The following HECTD4 variants were observed in gnomAD, a reference collection of about 807,000 sequenced individuals.
HECTD4 encodes the protein HECT domain E3 ubiquitin protein ligase 4, also known as probable E3 ubiquitin-protein ligase HECTD4.
HECTD4 carries 114 observed loss-of-function variants against 471.5 expected under a neutral mutation model. The observed-to-expected ratio is 0.24, with a 90% confidence interval of 0.21 to 0.28. HECTD4 has a LOEUF of 0.28. HECTD4 is among the 10% of genes least tolerant of loss of function. HECTD4 has a pLI of 1.00. For missense variants in HECTD4, 3,866 were observed against 5,651.5 expected (o/e 0.68, Z 10.13); for synonymous variants, 2,012 against 2,256.0 (o/e 0.89, Z 3.07).
In HECTD4 at chr12:112,319,113, G is replaced by C. The variant is rs2035539393; in HGVS notation, c.695+112C>G. The stretch of plus-strand genomic sequence containing the variant: ...GAAATTCAATACTGAAAGCAAAGAA[G>C]GACTTCTGAATGTTAAGACTTCTAT... On this transcript the variant is annotated intron_variant, in intron 2 of 75. Coordinates refer to ENST00000682272, the MANE Select transcript of HECTD4 (RefSeq NM_001388303.1). This position sits in a 1 kb window ranked among gnomAD's most constrained non-coding sequence, Gnocchi z 5.3. The C allele has an allele frequency of 3.6e-6, 4 of 1,100,506 alleles. No homozygotes were observed. The East Asian group carries it at 1.0e-4, about 28-fold the overall frequency. The allele number at this position is 1,100,506 out of a possible 1,614,324, so 68.2% of individuals were successfully genotyped here. A position where few individuals can be genotyped will look rare whatever the true frequency, so the allele number is the denominator to read the frequency against.
At chr12:112,316,826 T>C in intron 2 of HECTD4, among the ~76,000 whole-genome samples, 1 of 151,292 alleles carries the variant, frequency 6.6e-6, no homozygotes, top group Middle Eastern at 3.4e-3. Context: ...CAGAACATGA[T>C]ATTGGCAATA....
At chr12:112,365,990 G>C (rs976467114) in intron 1 of HECTD4, among the ~76,000 whole-genome samples, 1 of 151,742 alleles carries the variant, frequency 6.6e-6, no homozygotes, top group African/African-American at 2.4e-5. Flanking sequence ...TGCCCGGGCT[G>C]GTCTCAAACC....
chr12:112,253,939 C>A (rs2033951402), intron 22 of HECTD4, 104 bp downstream of exon 22: 6 of 1,276,814 alleles, frequency 4.7e-6, no homozygotes, highest in Non-Finnish European at 6.5e-6. Flanking sequence ...TCAACAAAAG[C>A]CCCCAGGGCA....
At chr12:112,362,389 C>T (rs1454956411) in intron 1 of HECTD4, among the ~76,000 whole-genome samples, 1 of 152,088 alleles carries the variant, frequency 6.6e-6, no homozygotes, top group Admixed American at 6.6e-5. Flanking sequence ...GGACTATTGC[C>T]TTATGGAAGT....
chr12:112,332,449 AT>A (rs1265917563), intron 1 of HECTD4, among the ~76,000 whole-genome samples: 1 of 149,256 alleles, frequency 6.7e-6, no homozygotes, highest in Middle Eastern at 3.2e-3. Context: ...AGGCAGGATA[AT>A]TGATCGCTTG....
In HECTD4 at chr12:112,184,433, C is replaced by T. The variant is rs755565689; in HGVS notation, c.10533G>A (p.Pro3511=). 1.9e-6 allele frequency: 3 copies of T among 1,604,794 alleles called. No individual in the cohort carries two copies. Among genetic ancestry groups the T allele is most frequent in the Non-Finnish European group, 1.7e-6 (2 of 1,176,804 alleles). Residue 3511 remains proline, a synonymous_variant, in exon 61 of 76, where the codon CCG becomes CCA. Transcript: ENST00000682272. The surrounding 1 kb of genome is among the most constrained non-coding windows in gnomAD (Gnocchi z 9.1). The part of the protein sequence containing the change: ...SQTVSDLSVD[P]LPAGLELPIP... ...TGGGCAGCTCGAGGCCGGCAGGCAG[C>T]GGATCCACAGAGAGGTCGCTGACGG...
chr12:112,382,156 G>A lies in HECTD4; in HGVS notation c.-28C>T. 8.2e-7 allele frequency: 1 copy of A among 1,216,922 alleles called. No homozygotes were observed. Among genetic ancestry groups the A allele is most frequent in the Non-Finnish European group, 1.0e-6 (1 of 979,532 alleles). 75.4% of individuals were successfully genotyped at this position (1,216,922 alleles called of 1,614,324 possible). On this transcript the variant is annotated 5_prime_UTR_variant, in exon 1 of 76. Transcript: ENST00000682272. ...CCCCGGCTGAAGGCTTGGCGCTGAGGAGCAGACGCCCGGCCGGGGGAAACG... is the reference window on the plus strand; with the variant it reads ...CCCCGGCTGAAGGCTTGGCGCTGAGAAGCAGACGCCCGGCCGGGGGAAACG...
At chr12:112,338,106 C>T (rs2035991560) in intron 1 of HECTD4, among the ~76,000 whole-genome samples, 1 of 152,146 alleles carries the variant, frequency 6.6e-6, no homozygotes, top group South Asian at 2.1e-4. Flanking sequence ...GGGCTGCACT[C>T]CCTCCAGGGG....
intron 7 of HECTD4, chr12:112,302,740 T>C: frequency 2.6e-6 from 1 of 386,840 alleles, no homozygotes; most frequent in South Asian, 3.8e-5. Flanking sequence ...TTAGAAGCTT[T>C]CCTCACTTTT....
chr12:112,335,621 G>A (rs1337953111), intron 1 of HECTD4, among the ~76,000 whole-genome samples: 1 of 152,092 alleles, frequency 6.6e-6, no homozygotes, highest in Non-Finnish European at 1.5e-5. Context: ...CCAGGAAGCG[G>A]AGGTTGCAGT....
At chr12:112,244,526 G>A (rs1221227571) in intron 29 of HECTD4, among the ~76,000 whole-genome samples, 1 of 152,024 alleles carries the variant, frequency 6.6e-6, no homozygotes, top group African/African-American at 2.4e-5. Context: ...GCACCACCAC[G>A]CCCAGGTAAC....
In HECTD4 at chr12:112,167,330, T is replaced by G; in HGVS notation, c.12521A>C (p.Lys4174Thr). 6.2e-7 allele frequency: 1 copy of G among 1,611,812 alleles called. No individual in the cohort carries two copies. The highest frequency in any genetic ancestry group is 8.5e-7 in the Non-Finnish European group (1 of 1,178,594). The change falls in exon 72 of 76, where the codon AAG becomes ACG. Residue 4174 changes from lysine to threonine, a missense_variant. Transcript: ENST00000682272. Reference protein sequence around the residue: ...EADILTYNYVKKFESINDETE... With the variant: ...EADILTYNYVTKFESINDETE... ...CCTTGCACTCACGCTCTCAAACTTCTTGACGTAATTGTAGGTGAGGATATC... is the reference window on the plus strand; with the variant it reads ...CCTTGCACTCACGCTCTCAAACTTCGTGACGTAATTGTAGGTGAGGATATC...
Position 112,166,158 on chromosome 12 carries a change from T to G in HECTD4, c.12534+1159A>C, listed in dbSNP as rs2030948706. Reference sequence around the variant, plus strand: ...GCACCCAGAGCCCCAGGAGGACTCCTCGGAGGAGTGCAGGAGACGCATAAA... The same window carrying G: ...GCACCCAGAGCCCCAGGAGGACTCCGCGGAGGAGTGCAGGAGACGCATAAA... On this transcript the variant is annotated intron_variant, in intron 72 of 75. Transcript: ENST00000682272. The surrounding 1 kb of genome is among the most constrained non-coding windows in gnomAD (Gnocchi z 4.6). The G allele has an allele frequency of 6.6e-6, 1 of 152,408 alleles. No homozygotes were observed. Among genetic ancestry groups the G allele is most frequent in the Non-Finnish European group, 1.5e-5 (1 of 68,102 alleles). 9.4% of individuals were successfully genotyped at this position (152,408 alleles called of 1,614,324 possible). A position where few individuals can be genotyped will look rare whatever the true frequency, so the allele number is the denominator to read the frequency against.
intron 72 of HECTD4, chr12:112,167,058 GCAATGAGCAC>G (rs1222093986): frequency 2.6e-6 from 1 of 383,176 alleles, no homozygotes; most frequent in East Asian, 4.4e-5. Flanking sequence ...CCATGGCCAG[GCAATGAGCAC>G]CAATGTGGGA....
At chr12:112,355,354 G>A (rs912710135) in intron 1 of HECTD4, among the ~76,000 whole-genome samples, 1 of 151,000 alleles carries the variant, frequency 6.6e-6, no homozygotes, top group East Asian at 2.0e-4. Context: ...CCAGCTACTC[G>A]GGAGGCTGAG....
In HECTD4 at chr12:112,253,918, G is replaced by A. The variant is rs1047514706; in HGVS notation, c.3447+125C>T. The A allele has an allele frequency of 6.6e-6, 6 of 912,692 alleles. No individual in the cohort carries two copies. In the African/African-American group the frequency reaches 1.0e-4, roughly 15 times the overall value. The allele number at this position is 912,692 out of a possible 1,614,324, so 56.5% of individuals were successfully genotyped here. ...GGAGTGAGCTGACAGGCCTGGTAAG[G>A]TGGCTCCACCTCAACAAAAGCCCCC... On this transcript the variant is annotated intron_variant, in intron 22 of 75. Transcript: ENST00000682272.
chr12:112,286,339 AC>A (rs2034753751), intron 7 of HECTD4, among the ~76,000 whole-genome samples: 1 of 152,132 alleles, frequency 6.6e-6, no homozygotes, highest in South Asian at 2.1e-4. Context: ...TTCCACAGGC[AC>A]CCCAATGGTT....
In HECTD4 at chr12:112,309,609, A is replaced by G. The variant is rs2035334141; in HGVS notation, c.977T>C (p.Val326Ala). The G allele has an allele frequency of 4.6e-6, 7 of 1,535,294 alleles. No individual in the cohort carries two copies. The highest frequency in any genetic ancestry group is 2.4e-5 in the East Asian group (1 of 40,896). ...DGLYLYTTNS[V>A]GRGVSKLGSG... ...TCCCAATTTGCTTACTCCTCTTCCA[A>G]CTGAGTTAGTAGTATACAGGTAAAG... The change falls in exon 5 of 76, where the codon GTT becomes GCT. Residue 326 changes from valine (V) to alanine (A), a missense_variant. Val to Ala is a moderately conservative substitution (Grantham distance 64, BLOSUM62 0). This residue lies in a region of HECTD4 where 440 missense variants were observed against 636.0 expected (regional missense o/e 0.69). Coordinates refer to ENST00000682272, the MANE Select transcript of HECTD4 (RefSeq NM_001388303.1).
intron 1 of HECTD4, among the ~76,000 whole-genome samples, chr12:112,361,710 T>C (rs1011324913): frequency 2.0e-5 from 3 of 152,160 alleles, no homozygotes; most frequent in African/African-American, 4.8e-5. Context: ...TCTGTGTTCA[T>C]AAGGATCCCC....
Sources: gnomAD v4.1 joint callset for allele counts (sites outside exome capture counted in the v4.1 genomes callset) on GRCh38, gnomAD v4.1.1 for gene constraint, gnomAD v4.1.1 regional missense constraint, Gnocchi (gnomAD v3.1) non-coding constraint, MANE v1.5 for transcripts, NCBI Gene and HGNC (gene_info 2026-07-23, HGNC 2026-07-21) for gene names.